Variants in TRRAP observed in about 807,000 individuals in gnomAD.
The protein encoded by TRRAP is transformation/transcription domain associated protein.
A neutral mutation model predicts 438.8 loss-of-function variants in TRRAP; 41 were observed. That is an observed-to-expected ratio of 0.09 (90% CI 0.07 to 0.12). The LOEUF (loss-of-function observed/expected upper bound fraction) is 0.12, where lower values mean the gene tolerates loss of function less well. Among genes scored for constraint, TRRAP ranks in the 10% least tolerant of loss-of-function variants. The pLI is 1.00. For missense variants in TRRAP, 3,122 were observed against 5,055.1 expected (o/e 0.62, Z 11.60); for synonymous variants, 1,994 against 1,962.9 (o/e 1.02, Z -0.42).
rs1790318513 is a variant in TRRAP at position 98,931,435 on chromosome 7, A to G, written c.3622A>G (p.Thr1208Ala). The G allele has an allele frequency of 6.2e-7, 1 of 1,613,994 alleles. No individual in the cohort carries two copies. Among genetic ancestry groups the G allele is most frequent in the African/African-American group, 1.3e-5 (1 of 74,944 alleles). The change falls in exon 26 of 73, where the codon ACC becomes GCC. Residue 1208 changes from threonine to alanine, a missense_variant. Physicochemically the swap from Thr to Ala is moderately conservative, Grantham distance 58. This residue lies in a region of TRRAP where 153 missense variants were observed against 223.0 expected (regional missense o/e 0.69). Transcript: ENST00000456197. ...VSNGAVAMAKTTLEQLLMRCA... is the reference protein window; with the variant it reads ...VSNGAVAMAKATLEQLLMRCA... ...CAATGGGGCAGTCGCTATGGCAAAG[A>G]CCACGCTGGAGCAGCTTCTGATGCG...
At chr7:98,929,849 C>T (rs1005468884) in intron 23 of TRRAP, 140 bp from the exon 24 acceptor site, 2 of 816,240 alleles carry the variant, frequency 2.5e-6, no homozygotes, top group Non-Finnish European at 4.0e-6. Context: ...CTGCCTCGGC[C>T]TCCCAGAGTG....
chr7:98,929,680 G>A (rs992822408), intron 23 of TRRAP, among the ~76,000 whole-genome samples: 4 of 151,434 alleles, frequency 2.6e-5, no homozygotes, highest in African/African-American at 9.7e-5. Flanking sequence ...TGCAACCTCC[G>A]TCTCCTGGGT....
intron 40 of TRRAP, among the ~76,000 whole-genome samples, chr7:98,953,751 C>T (rs909218133): frequency 1.3e-5 from 2 of 152,084 alleles, no homozygotes; most frequent in East Asian, 1.9e-4. Context: ...GTGAAGGTGC[C>T]GAGCGCCACT....
At chr7:98,999,303 ATCTGC>A in intron 67 of TRRAP, 1 of 1,303,932 alleles carries the variant, frequency 7.7e-7, no homozygotes, top group African/African-American at 1.4e-5. Flanking sequence ...AAAGCATTTT[ATCTGC>A]TAAGCTTGAT....
intron 59 of TRRAP, among the ~76,000 whole-genome samples, chr7:98,982,471 C>A (rs111717191): frequency 1.1e-4 from 16 of 152,312 alleles, no homozygotes; most frequent in African/African-American, 3.6e-4. Flanking sequence ...ATAGATTCTG[C>A]CTCAAAGGAG....
At chr7:98,940,952 CCTTA>C (rs1790769713) in intron 30 of TRRAP, among the ~76,000 whole-genome samples, 1 of 152,164 alleles carries the variant, frequency 6.6e-6, no homozygotes, top group African/African-American at 2.4e-5. Context: ...AGCCAAGGCA[CCTTA>C]CTTTTAGGGT....
In TRRAP at chr7:98,911,227, G is replaced by A. The variant is rs1789252541; in HGVS notation, c.1963G>A (p.Val655Ile). Residue 655 changes from valine to isoleucine, a missense_variant, in exon 17 of 73, where the codon GTC (valine) becomes ATC (isoleucine). Coordinates refer to ENST00000456197, the MANE Select transcript of TRRAP (RefSeq NM_001375524.1). ...LTFKEIFQTTVPYMVERISKN... is the reference protein window; with the variant it reads ...LTFKEIFQTTIPYMVERISKN... ...GTTCAAAGAAATCTTCCAAACTACG[G>A]TCCCTTATATGGTGGAGAGAATCTC... The A allele has an allele frequency of 1.2e-6, 2 of 1,614,020 alleles. No individual in the cohort carries two copies. The highest frequency in any genetic ancestry group is 1.3e-5 in the African/African-American group (1 of 74,924).
At chr7:98,945,256 A>G (rs1417777597) in intron 31 of TRRAP, among the ~76,000 whole-genome samples, 2 of 152,160 alleles carry the variant, frequency 1.3e-5, no homozygotes, top group African/African-American at 2.4e-5. Context: ...ACACACCCAC[A>G]CAGAGCTAGT....
Position 99,008,438 on chromosome 7 carries a change from T to C in TRRAP, c.10815T>C (p.Leu3605=). ...TCGTGGAGGACAACCCCTCTTCACT[T>C]TCCCTTGTGGAGATCTACAAGCAGC... The part of the protein sequence containing the change: ...MRLVEDNPSS[L]SLVEIYKQRC... Residue 3605 remains leucine, a synonymous_variant, in exon 70 of 73, where the codon CTT becomes CTC. Transcript: ENST00000456197. 6.2e-7 allele frequency: 1 copy of C among 1,613,864 alleles called. No homozygotes were observed. The highest frequency in any genetic ancestry group is 8.5e-7 in the Non-Finnish European group (1 of 1,179,940).
intron 61 of TRRAP, among the ~76,000 whole-genome samples, chr7:98,984,610 A>G (rs998638162): frequency 1.3e-5 from 2 of 152,210 alleles, no homozygotes; most frequent in Non-Finnish European, 2.9e-5. Flanking sequence ...GAAAGAAAAA[A>G]ATTACACACT....
intron 61 of TRRAP, 29 bp downstream of exon 61, chr7:98,984,387 C>T: frequency 1.3e-6 from 2 of 1,504,458 alleles, no homozygotes; most frequent in Non-Finnish European, 1.8e-6. Flanking sequence ...AAGAATGAGG[C>T]CAGGTGGAGA....
At position 98,976,777 on chromosome 7, in the gene TRRAP, G is replaced by A. The variant is rs572588835; in HGVS notation, c.8247+7G>A. ...CATCACCCCGCCGCAGCAGGTGAGGGTGCGCCTCAGTTTGTTAATTACCTC... is the reference window on the plus strand; with the variant it reads ...CATCACCCCGCCGCAGCAGGTGAGGATGCGCCTCAGTTTGTTAATTACCTC... On this transcript the variant is annotated splice_region_variant and intron_variant, in intron 55 of 72. Coordinates refer to ENST00000456197, the MANE Select transcript of TRRAP (RefSeq NM_001375524.1). The surrounding 1 kb of genome is among the most constrained non-coding windows in gnomAD (Gnocchi z 4.6). The A allele has an allele frequency of 6.2e-7, 1 of 1,611,346 alleles. No individual in the cohort carries two copies. The highest frequency in any genetic ancestry group is 8.5e-7 in the Non-Finnish European group (1 of 1,178,204).
Position 98,993,620 on chromosome 7 carries a change from C to G in TRRAP, c.9930C>G (p.Pro3310=). The G allele has an allele frequency of 6.2e-7, 1 of 1,614,222 alleles. No homozygotes were observed. Among genetic ancestry groups the G allele is most frequent in the Non-Finnish European group, 8.5e-7 (1 of 1,180,040 alleles). The part of the protein sequence containing the change: ...SDPGPIRATA[P]MWRCSRIMHM... ...CAGGGCCCATAAGAGCAACAGCACC[C>G]ATGTGGCGCTGCAGCCGAATCATGC... Residue 3310 remains proline (P), a synonymous_variant, in exon 66 of 73, where the codon CCC becomes CCG. Coordinates refer to ENST00000456197, the MANE Select transcript of TRRAP (RefSeq NM_001375524.1).
intron 3 of TRRAP, among the ~76,000 whole-genome samples, chr7:98,887,312 A>C (rs1414815853): frequency 1.3e-5 from 2 of 152,192 alleles, no homozygotes; most frequent in African/African-American, 4.8e-5. Context: ...TGACTTCTTG[A>C]TAACCTGGCA....
intron 31 of TRRAP, among the ~76,000 whole-genome samples, chr7:98,944,930 A>G (rs1290750395): frequency 6.6e-6 from 1 of 151,958 alleles, no homozygotes; most frequent in African/African-American, 2.4e-5. Context: ...TCAGCCTCCC[A>G]AGTAGCTGGG....
chr7:98,910,109 TAAG>T lies in TRRAP; in HGVS notation c.1408_1410del (p.Lys470del). The T allele has an allele frequency of 1.3e-6, 2 of 1,595,010 alleles. No homozygotes were observed. Among genetic ancestry groups the T allele is most frequent in the Non-Finnish European group, 1.7e-6 (2 of 1,171,206 alleles). ...CTCGGTACCAGCTCTCTGCCATTTT[TAAG>T]AAGTGTAAGCCTCAGTCAGAACTTG... is the stretch of plus-strand genomic sequence containing the variant. On this transcript the variant is annotated inframe_deletion, in exon 15 of 73. Transcript: ENST00000456197.
In TRRAP at chr7:98,930,064, C is replaced by T. The variant is rs1790254156; in HGVS notation, c.3251C>T (p.Ser1084Leu). The T allele has an allele frequency of 3.7e-6, 6 of 1,614,062 alleles. No homozygotes were observed. The highest frequency in any genetic ancestry group is 2.2e-5 in the East Asian group (1 of 44,870). Residue 1084 changes from serine (S) to leucine (L), a missense_variant, in exon 24 of 73, where the codon TCG becomes TTG. Ser to Leu is a moderately radical substitution (Grantham distance 145, BLOSUM62 -2). Around this residue, in one of 24 missense-constraint regions of TRRAP, gnomAD observed 54 missense variants for 74.6 expected, o/e 0.72. Coordinates refer to ENST00000456197, the MANE Select transcript of TRRAP (RefSeq NM_001375524.1). ...TAMFHSEENG[S>L]KGMDPLVLID... ...ATGTTTCACAGTGAAGAAAATGGCT[C>T]GAAAGGAATGGATCCTTTGGTTCTC...
chr7:98,974,922 C>T (rs932893517), intron 53 of TRRAP, among the ~76,000 whole-genome samples: 1 of 152,174 alleles, frequency 6.6e-6, no homozygotes, highest in South Asian at 2.1e-4. Flanking sequence ...GATTTCGACA[C>T]TTGGGGTTAG....
Position 99,008,678 on chromosome 7 carries a change from G to T in TRRAP, c.10938+117G>T, listed in dbSNP as rs192996366. 3.0e-4 allele frequency: 325 copies of T among 1,096,524 alleles called. 2 individuals are homozygous for T. In the East Asian group the frequency reaches 7.2e-3, roughly 24 times the overall value. The allele number at this position is 1,096,524 out of a possible 1,614,324, so 67.9% of individuals were successfully genotyped here. ...CAGGCATTTGTTGGGGGCCACCTCT[G>T]TCATTTAAAGTAACTTTATTAGACT... On this transcript the variant is annotated intron_variant, in intron 70 of 72. Transcript: ENST00000456197.
Sources: allele counts gnomAD v4.1 joint callset (sites outside exome capture counted in the v4.1 genomes callset), GRCh38; gene constraint gnomAD v4.1.1; regional missense constraint gnomAD v4.1.1; non-coding constraint Gnocchi (gnomAD v3.1); transcripts MANE v1.5; gene names NCBI Gene and HGNC (gene_info 2026-07-23, HGNC 2026-07-21).